Variants in SGO1 observed in about 807,000 individuals in gnomAD.
The protein encoded by SGO1 is shugoshin 1, also known as serologically defined breast cancer antigen NY-BR-85.
A neutral mutation model predicts 50.5 loss-of-function variants in SGO1; 39 were observed. The ratio of observed to expected loss-of-function variants is 0.77; its 90% CI spans 0.60 to 1.01. The LOEUF (loss-of-function observed/expected upper bound fraction) is 1.01. Ranked by LOEUF, SGO1 falls within the 50% of genes least tolerant of loss-of-function variation. The probability of loss-of-function intolerance (pLI) is 0.00; values close to 1 mark genes in which losing one functional copy is unlikely to be tolerated. For missense variants in SGO1, 638 were observed against 606.0 expected, an observed-to-expected ratio of 1.05 and a Z score of -0.55; for synonymous variants, 191 against 205.1, an observed-to-expected ratio of 0.93 and a Z score of 0.59.
chr3:20,176,312 G>C, intron 5 of SGO1, among the ~76,000 whole-genome samples: 1 of 152,110 alleles, frequency 6.6e-6, no homozygotes, highest in Non-Finnish European at 1.5e-5. Flanking sequence ...GTGAGGGTTA[G>C]GTGAGATTAT....
exon 9 of SGO1, chr3:20,160,832 T>C (rs1700002379): frequency 8.0e-6 from 2 of 249,854 alleles, no homozygotes; most frequent in Admixed American, 4.9e-5. Context: ...CAGCTGAGCT[T>C]ACAAGAAAGA....
At chr3:20,186,874 C>G (rs767753676), upstream of SGO1, among the ~76,000 whole-genome samples, 35 of 152,148 alleles carry the variant, frequency 2.3e-4, no homozygotes, top group Admixed American at 2.3e-3. Context: ...TTCCAAGTTT[C>G]TCTCATGCCC....
downstream of SGO1, among the ~76,000 whole-genome samples, chr3:20,168,122 G>A (rs1269551219): frequency 6.6e-6 from 1 of 152,132 alleles, no homozygotes; most frequent in African/African-American, 2.4e-5. Context: ...AAATATGACA[G>A]CAAGACTATA....
chr3:20,182,262 G>A (rs958636405), intron 3 of SGO1, among the ~76,000 whole-genome samples: 4 of 152,048 alleles, frequency 2.6e-5, no homozygotes, highest in Admixed American at 2.6e-4. Flanking sequence ...AGGGAAGCAA[G>A]AACTCTTTCA....
Position 20,170,220 on chromosome 3 carries a change from G to A in SGO1, c.*484C>T. 1.5e-5 allele frequency: 8 copies of A among 544,100 alleles called. No homozygotes were observed. The highest frequency in any genetic ancestry group is 1.9e-5 in the Non-Finnish European group (8 of 426,792). 33.7% of individuals were successfully genotyped at this position (544,100 alleles called of 1,614,324 possible). A position where few individuals can be genotyped will look rare whatever the true frequency, so the allele number is the denominator to read the frequency against. ...TTGAGAGCAACCTGACCAACATGGA[G>A]AAACCCTGTCTCTACTAAAAATACA... On this transcript the variant is annotated 3_prime_UTR_variant, in exon 8 of 8. Transcript: ENST00000412997.
downstream of SGO1, among the ~76,000 whole-genome samples, chr3:20,166,610 G>A (rs1294034841): frequency 6.6e-6 from 1 of 151,980 alleles, no homozygotes; most frequent in Non-Finnish European, 1.5e-5. Context: ...TGTTCAATGG[G>A]TATAGAGTTT....
chr3:20,162,755 T>G (rs1700103164), intron 8 of SGO1, among the ~76,000 whole-genome samples: 1 of 146,120 alleles, frequency 6.8e-6, no homozygotes, highest in African/African-American at 2.5e-5. Context: ...AAGAGACAAA[T>G]AAAATATATA....
intron 4 of SGO1, among the ~76,000 whole-genome samples, chr3:20,177,845 G>A (rs9865498): frequency 0.013 from 1,984 of 152,134 alleles, 49 homozygotes; most frequent in African/African-American, 0.045. Context: ...CTGGATCAGC[G>A]AGACAATGGG....
At chr3:20,186,374 C>G (rs1702675617), upstream of SGO1, 1 of 152,274 alleles carries the variant, frequency 6.6e-6, no homozygotes, top group Admixed American at 6.5e-5. Context: ...TGGGGCGGAG[C>G]CTGCGGTCGG....
Position 20,161,102 on chromosome 3 carries a change from ACTT to A in SGO1, c.1686_*2del, listed in dbSNP as rs147648109. 10 of 1,613,918 alleles carry A rather than the reference ACTT, an allele frequency of 6.2e-6. No individual in the cohort carries two copies. The East Asian group carries it at 2.2e-4, about 36-fold the overall frequency. The stretch of plus-strand genomic sequence containing the variant: ...TTTTCTAAGGATGTGAAGCCCGTGG[ACTT>A]TACCTCAAGCAGATGTGGGTTTCAA... On this transcript the variant is annotated stop_lost and 3_prime_UTR_variant, in exon 9 of 9. Coordinates refer to the SGO1 transcript ENST00000263753.
chr3:20,161,095 C>A (rs1321969909), exon 9 of SGO1: 2 of 1,613,710 alleles, frequency 1.2e-6, no homozygotes, highest in East Asian at 2.2e-5. Context: ...GGATGTGAAG[C>A]CCGTGGACTT....
chr3:20,166,938 T>C (rs1231857776), downstream of SGO1, among the ~76,000 whole-genome samples: 1 of 151,270 alleles, frequency 6.6e-6, no homozygotes, highest in Non-Finnish European at 1.5e-5. Context: ...ACCCAGGAGT[T>C]TGAGGCTACA....
At chr3:20,171,274 C>G in intron 6 of SGO1, 42 bp from the exon 7 acceptor site, 2 of 1,423,218 alleles carry the variant, frequency 1.4e-6, no homozygotes, top group Non-Finnish European at 1.9e-6. Context: ...AAAAAAAAAA[C>G]CCACACAAAA....
chr3:20,172,792 T>TAAAAAA (rs60411282), intron 6 of SGO1, among the ~76,000 whole-genome samples: 8 of 98,908 alleles, frequency 8.1e-5, no homozygotes, highest in African/African-American at 2.2e-4. Context: ...TCACAAAAAG[T>TAAAAAA]AAAAAAAAAA....
At chr3:20,173,986 TC>T (rs1701068360) in intron 6 of SGO1, among the ~76,000 whole-genome samples, 1 of 152,154 alleles carries the variant, frequency 6.6e-6, no homozygotes, top group South Asian at 2.1e-4. Flanking sequence ...AGTCCCTCTG[TC>T]CCCTTGGGAG....
At chr3:20,163,626 G>A (rs1700152296) in intron 8 of SGO1, among the ~76,000 whole-genome samples, 1 of 152,140 alleles carries the variant, frequency 6.6e-6, no homozygotes, top group Admixed American at 6.5e-5. Context: ...CAATATACTA[G>A]AGTGTTGGAA....
In SGO1 at chr3:20,164,180, C is replaced by G. The variant is rs141994782; in HGVS notation, c.1565-2954G>C. Among the ~76,000 whole-genome samples the G allele has an allele frequency of 1.2e-4, 18 of 152,224 alleles. No homozygotes were observed. The East Asian group carries it at 3.5e-3, about 29-fold the overall frequency. Reference sequence around the variant, plus strand: ...CTCTCACAAACGTAGATGTGAAGATCTTTAACAAAATATTAACAAATAAAA... The same window carrying G: ...CTCTCACAAACGTAGATGTGAAGATGTTTAACAAAATATTAACAAATAAAA... On this transcript the variant is annotated intron_variant, in intron 8 of 8. Coordinates refer to the SGO1 transcript ENST00000263753.
chr3:20,179,510 G>A (rs1318949776), intron 3 of SGO1, among the ~76,000 whole-genome samples: 1 of 144,582 alleles, frequency 6.9e-6, no homozygotes, highest in African/African-American at 2.5e-5. Context: ...CTGCAGCCTT[G>A]AACTCCTGGG....
rs200549744 is a variant in SGO1 at position 20,174,211 on chromosome 3, G to A, written c.1282+38C>T. On this transcript the variant is annotated intron_variant, in intron 6 of 7. Transcript: ENST00000412997. Reference sequence around the variant, plus strand: ...AGCATCAGGAGTGATCATTTATCACGAACATTAAAAATACAGGTAAACAAG... The same window carrying A: ...AGCATCAGGAGTGATCATTTATCACAAACATTAAAAATACAGGTAAACAAG... 2,790 of 1,484,938 alleles carry A rather than the reference G, an allele frequency of 1.9e-3. 7 individuals are homozygous for A. Among genetic ancestry groups the A allele is most frequent in the Non-Finnish European group, 2.3e-3 (2,489 of 1,068,084 alleles). The allele number at this position is 1,484,938 out of a possible 1,614,324, so 92.0% of individuals were successfully genotyped here. A position where few individuals can be genotyped will look rare whatever the true frequency, so the allele number is the denominator to read the frequency against.
Sources: gnomAD v4.1 joint callset for allele counts (sites outside exome capture counted in the v4.1 genomes callset) on GRCh38, gnomAD v4.1.1 for gene constraint, MANE v1.5 for transcripts, NCBI Gene and HGNC (gene_info 2026-07-23, HGNC 2026-07-21) for gene names.